Variants in HSPG2 observed in about 807,000 individuals in gnomAD.
The protein encoded by HSPG2 is basement membrane-specific heparan sulfate proteoglycan core protein.
A neutral mutation model predicts 526.6 loss-of-function variants in HSPG2; 278 were observed. The ratio of observed to expected loss-of-function variants is 0.53; its 90% CI spans 0.48 to 0.58. The LOEUF is 0.58. HSPG2 is among the 20% of genes least tolerant of loss of function. The pLI, the probability that HSPG2 is intolerant of heterozygous loss-of-function variation, is 0.00. For synonymous variants in HSPG2, 2,465 were observed against 2,555.4 expected (o/e 0.96, Z 1.07); for missense variants, 5,354 against 6,099.5 (o/e 0.88, Z 4.07).
chr1:21,848,450 A>C lies in HSPG2; in HGVS notation c.7737+193T>G, dbSNP rs1160752788. On this transcript the variant is annotated intron_variant, in intron 59 of 96. Coordinates refer to ENST00000374695, the MANE Select transcript of HSPG2 (RefSeq NM_005529.7). The surrounding 1 kb of genome is among the most constrained non-coding windows in gnomAD (Gnocchi z 4.9). Reference sequence around the variant, plus strand: ...GCAGCTTTTCAGTGAGATTTGGTGCAGAAGTGGATCTCCCTGAGGTCAGGG... The same window carrying C: ...GCAGCTTTTCAGTGAGATTTGGTGCCGAAGTGGATCTCCCTGAGGTCAGGG... Among the ~76,000 whole-genome samples the C allele has an allele frequency of 6.6e-6, 1 of 152,156 alleles. No individual in the cohort carries two copies. Among genetic ancestry groups the C allele is most frequent in the Admixed American group, 6.5e-5 (1 of 15,280 alleles).
intron 6 of HSPG2, among the ~76,000 whole-genome samples, chr1:21,889,158 T>G (rs1157259317): frequency 6.6e-6 from 1 of 152,102 alleles, no homozygotes; most frequent in African/African-American, 2.4e-5. Flanking sequence ...TACACCATAG[T>G]AGGGGATGGA....
chr1:21,928,565 T>C (rs1011126823), intron 1 of HSPG2, among the ~76,000 whole-genome samples: 2 of 151,304 alleles, frequency 1.3e-5, no homozygotes, highest in East Asian at 3.9e-4. Flanking sequence ...CTCAGCCTCC[T>C]GAGTAGCTGA....
intron 14 of HSPG2, 101 bp from the exon 15 acceptor site, chr1:21,880,936 T>C: frequency 8.4e-7 from 1 of 1,190,182 alleles, no homozygotes. Flanking sequence ...TCACTCTGCC[T>C]ACCTGAGACT....
chr1:21,833,162 T>A, intron 80 of HSPG2, 106 bp downstream of exon 80: 1 of 932,150 alleles, frequency 1.1e-6, no homozygotes, highest in Non-Finnish European at 1.8e-6. Context: ...GCTGAGGGAT[T>A]GGGGCAGGAC....
chr1:21,861,650 G>T, intron 39 of HSPG2, 107 bp downstream of exon 39: 1 of 1,017,364 alleles, frequency 9.8e-7, no homozygotes, highest in Non-Finnish European at 1.5e-6. Flanking sequence ...GGCAGGGAAG[G>T]AGCATAATCC....
Position 21,890,806 on chromosome 1 carries a change from G to A in HSPG2, c.245-112C>T. 1.0e-5 allele frequency: 8 copies of A among 774,936 alleles called. No individual in the cohort carries two copies. Among genetic ancestry groups the A allele is most frequent in the East Asian group, 2.6e-5 (1 of 38,120 alleles). The allele number at this position is 774,936 out of a possible 1,614,324, so 48.0% of individuals were successfully genotyped here. On this transcript the variant is annotated intron_variant, in intron 3 of 96. Transcript: ENST00000374695. This position sits in a 1 kb window ranked among gnomAD's most constrained non-coding sequence, Gnocchi z 4.1. ...GGGATGGCCCCCAGAGGCCTCCCTC[G>A]AGGCTGACACCTGTGTGCCCACTGC... is the stretch of plus-strand genomic sequence containing the variant.
intron 1 of HSPG2, among the ~76,000 whole-genome samples, chr1:21,911,465 G>A (rs1207601557): frequency 1.3e-5 from 2 of 152,104 alleles, no homozygotes; most frequent in East Asian, 1.9e-4. Flanking sequence ...GGCAGGGAGT[G>A]GGGGTGTGGA....
chr1:21,923,429 A>C (rs2152799743), intron 1 of HSPG2, among the ~76,000 whole-genome samples: 1 of 152,116 alleles, frequency 6.6e-6, no homozygotes, highest in African/African-American at 2.4e-5. Flanking sequence ...AAATAAAATA[A>C]CCAGACTCAA....
intron 30 of HSPG2, 129 bp from the exon 31 acceptor site, chr1:21,873,220 C>T: frequency 8.8e-7 from 1 of 1,142,688 alleles, no homozygotes; most frequent in Non-Finnish European, 1.3e-6. Context: ...TCACGACAGC[C>T]CTCGGAGGTG....
intron 1 of HSPG2, among the ~76,000 whole-genome samples, chr1:21,930,377 C>T (rs993757608): frequency 2.1e-4 from 32 of 152,204 alleles, no homozygotes; most frequent in Non-Finnish European, 1.6e-4. Context: ...GCACTTATCA[C>T]CACCTGATGT....
rs754238473 is a variant in HSPG2, at chr1:21,846,251, C to T, written c.8321G>A (p.Arg2774His). 3 of 1,612,958 alleles carry T rather than the reference C, an allele frequency of 1.9e-6. No individual in the cohort carries two copies. The highest frequency in any genetic ancestry group is 1.7e-5 in the Admixed American group (1 of 59,988). ...GGSLPSHHQT[R>H]GSRLRLHHVS... is the part of the protein sequence containing the mutation. ...ATGGTGCAGCCGCAGCCGTGAGCCGCGGGTCTGAATAGGGGACAGGACAGA... is the reference window on the plus strand; with the variant it reads ...ATGGTGCAGCCGCAGCCGTGAGCCGTGGGTCTGAATAGGGGACAGGACAGA... The change falls in exon 64 of 97, where the codon CGC becomes CAC. Residue 2774 changes from arginine to histidine, a missense_variant. Transcript: ENST00000374695.
At chr1:21,873,595 G>A (rs1031656239) in intron 29 of HSPG2, among the ~76,000 whole-genome samples, 171 bp from the exon 30 acceptor site, 1 of 152,164 alleles carries the variant, frequency 6.6e-6, no homozygotes, top group African/African-American at 2.4e-5. Flanking sequence ...GACGTGCCCT[G>A]GACCGCACAG....
chr1:21,840,509 T>C (rs2098044393), intron 71 of HSPG2, among the ~76,000 whole-genome samples: 1 of 152,132 alleles, frequency 6.6e-6, no homozygotes, highest in Admixed American at 6.5e-5. Flanking sequence ...GGTTTCACCA[T>C]GTTAGCCAGG....
chr1:21,891,089 C>A (rs1243981952), intron 3 of HSPG2, among the ~76,000 whole-genome samples: 1 of 152,224 alleles, frequency 6.6e-6, no homozygotes, highest in African/African-American at 2.4e-5. Context: ...CCTACTCATT[C>A]CTCAGGACTT....
intron 52 of HSPG2, 49 bp from the exon 53 acceptor site, chr1:21,852,282 G>A: frequency 6.2e-7 from 1 of 1,611,088 alleles, no homozygotes; most frequent in Non-Finnish European, 8.5e-7. Flanking sequence ...CCTGAGATGA[G>A]AGGGCAGGGG....
At chr1:21,856,657 T>G (rs542501845) in intron 44 of HSPG2, among the ~76,000 whole-genome samples, 30 of 152,264 alleles carry the variant, frequency 2.0e-4, no homozygotes, top group Admixed American at 1.8e-3. Context: ...CCTCAAGTGA[T>G]CCACCTGCCT....
At chr1:21,885,831 C>T (rs954721659) in intron 9 of HSPG2, among the ~76,000 whole-genome samples, 3 of 152,246 alleles carry the variant, frequency 2.0e-5, no homozygotes, top group Non-Finnish European at 4.4e-5. Flanking sequence ...AGCAATGCCC[C>T]GCCCACCCTT....
chr1:21,841,280 G>A lies in HSPG2; in HGVS notation c.9334C>T (p.Pro3112Ser). 6.2e-7 allele frequency: 1 copy of A among 1,613,710 alleles called. No homozygotes were observed. The highest frequency in any genetic ancestry group is 1.7e-5 in the Admixed American group (1 of 60,016). ...SVVNLSVHGP[P>S]TVSVLPEGPV... ...CCCTCGGGGAGCACGGACACTGTAG[G>A]GGGCCCTGTGCGGAGGAATGACAAC... Residue 3112 changes from proline to serine, a missense_variant, in exon 71 of 97, where the codon CCT (proline) becomes TCT (serine). Transcript: ENST00000374695.
At chr1:21,931,866 C>T (rs759258794) in intron 1 of HSPG2, among the ~76,000 whole-genome samples, 32 of 152,202 alleles carry the variant, frequency 2.1e-4, no homozygotes, top group Admixed American at 1.4e-3. Context: ...AGGCTCCACA[C>T]AGGACAACCA....
Sources: allele counts gnomAD v4.1 joint callset (sites outside exome capture counted in the v4.1 genomes callset), GRCh38; gene constraint gnomAD v4.1.1; non-coding constraint Gnocchi (gnomAD v3.1); transcripts MANE v1.5; gene names NCBI Gene and HGNC (gene_info 2026-07-23, HGNC 2026-07-21).